C1RL: variants seen among roughly 807,000 people sequenced by gnomAD.
C1RL encodes complement C1r subcomponent-like protein.
C1RL carries 27 observed loss-of-function variants against 27.9 expected under a neutral mutation model. The ratio of observed to expected loss-of-function variants is 0.97; its 90% CI spans 0.71 to 1.33. The LOEUF is 1.33. C1RL is among the 40% of genes most tolerant of loss of function. The pLI is 0.00. For synonymous variants in C1RL, 248 were observed against 252.1 expected, an observed-to-expected ratio of 0.98 and a Z score of 0.15; for missense variants, 563 against 623.9, an observed-to-expected ratio of 0.90 and a Z score of 1.04.
Position 7,094,904 on chromosome 12 carries a change from T to C in C1RL, c.*1487A>G. The C allele has an allele frequency of 9.7e-7, 1 of 1,028,692 alleles. No individual in the cohort carries two copies. The highest frequency in any genetic ancestry group is 1.2e-6 in the Non-Finnish European group (1 of 854,884). The allele number at this position is 1,028,692 out of a possible 1,614,324, so 63.7% of individuals were successfully genotyped here. A position where few individuals can be genotyped will look rare whatever the true frequency, so the allele number is the denominator to read the frequency against. Reference sequence around the variant, plus strand: ...TTTGGGAATATTTTTAATAATCTTTTGTACTGTATGTGGGTGTAAAAAACA... The same window carrying C: ...TTTGGGAATATTTTTAATAATCTTTCGTACTGTATGTGGGTGTAAAAAACA... On this transcript the variant is annotated 3_prime_UTR_variant, in exon 6 of 6. Transcript: ENST00000266542.
At chr12:7,108,091 TG>T in intron 2 of C1RL, 159 bp downstream of exon 2, 1 of 562,000 alleles carries the variant, frequency 1.8e-6, no homozygotes, top group Non-Finnish European at 3.0e-6. Flanking sequence ...GGCTGTGTCC[TG>T]GGGTCCACCA....
intron 2 of C1RL, among the ~76,000 whole-genome samples, chr12:7,102,632 G>A (rs973268915): frequency 6.6e-6 from 1 of 152,218 alleles, no homozygotes; most frequent in Admixed American, 6.5e-5. Context: ...CAGAGACTGA[G>A]CCTCTGGGGT....
chr12:7,107,180 T>A (rs1938791204), intron 2 of C1RL, among the ~76,000 whole-genome samples: 1 of 152,004 alleles, frequency 6.6e-6, no homozygotes, highest in Non-Finnish European at 1.5e-5. Context: ...ACCTTTTTTT[T>A]TTTTTGGAGA....
intron 2 of C1RL, among the ~76,000 whole-genome samples, chr12:7,103,371 T>A (rs918844055): frequency 4.6e-5 from 7 of 152,194 alleles, no homozygotes; most frequent in Non-Finnish European, 1.5e-5. Flanking sequence ...TTGCTACTAA[T>A]TCCATGTGTG....
At chr12:7,102,357 T>G (rs1378057995) in intron 2 of C1RL, among the ~76,000 whole-genome samples, 1 of 152,202 alleles carries the variant, frequency 6.6e-6, no homozygotes, top group Non-Finnish European at 1.5e-5. Flanking sequence ...TTCCTTCTTT[T>G]AAGAAGTTCC....
At position 7,096,889 on chromosome 12, in the gene C1RL, G is replaced by A. The variant is rs745524395; in HGVS notation, c.966C>T (p.Val322=). Residue 322 remains valine, a synonymous_variant, in exon 6 of 6, where the codon GTC becomes GTT. Coordinates refer to ENST00000266542, the MANE Select transcript of C1RL (RefSeq NM_016546.4). ...TCTGACGGTAGTCGGGGTGCACAACGACACGGTGGACAGGGTGGTTCCCCA... is the reference window on the plus strand; with the variant it reads ...TCTGACGGTAGTCGGGGTGCACAACAACACGGTGGACAGGGTGGTTCCCCA... ...LKLGNHPVHR[V]VVHPDYRQNE... The A allele has an allele frequency of 1.9e-6, 3 of 1,599,074 alleles. No homozygotes were observed. Among genetic ancestry groups the A allele is most frequent in the South Asian group, 1.1e-5 (1 of 88,804 alleles).
In C1RL at chr12:7,096,749, C is replaced by T. The variant is rs759003415; in HGVS notation, c.1106G>A (p.Ser369Asn). 10 of 1,611,126 alleles carry T rather than the reference C, an allele frequency of 6.2e-6. No individual in the cohort carries two copies. The highest frequency in any genetic ancestry group is 8.5e-6 in the Non-Finnish European group (10 of 1,178,336). The part of the protein sequence containing the change: ...CLPDNETLYR[S>N]GLLGYVSGFG... ...CCCACTGACGTAGCCCAACAAGCCGCTGCGGTAGAGGGTCTCATTATCGGG... is the reference window on the plus strand; with the variant it reads ...CCCACTGACGTAGCCCAACAAGCCGTTGCGGTAGAGGGTCTCATTATCGGG... The change falls in exon 6 of 6, where the codon AGC becomes AAC. Residue 369 changes from serine (S) to asparagine (N), a missense_variant. Physicochemically the swap from Ser to Asn is conservative, Grantham distance 46 (BLOSUM62 1). Coordinates refer to ENST00000266542, the MANE Select transcript of C1RL (RefSeq NM_016546.4).
At chr12:7,099,188 G>A (rs754913162) in intron 5 of C1RL, among the ~76,000 whole-genome samples, 1 of 124,442 alleles carries the variant, frequency 8.0e-6, no homozygotes, top group South Asian at 2.5e-4. Flanking sequence ...TTGTGCCGTT[G>A]CACTTCAGTC....
rs774054216 is a variant in C1RL at position 7,095,803 on chromosome 12, C to T, written c.*588G>A. The T allele has an allele frequency of 1.3e-6, 1 of 759,580 alleles. No homozygotes were observed. 47.1% of individuals were successfully genotyped at this position (759,580 alleles called of 1,614,324 possible). ...CTCATTTGTCACACATAGATAATAACACATCCTTTGCAAATATGGTATGAG... is the reference window on the plus strand; with the variant it reads ...CTCATTTGTCACACATAGATAATAATACATCCTTTGCAAATATGGTATGAG... On this transcript the variant is annotated 3_prime_UTR_variant, in exon 6 of 6. Transcript: ENST00000266542.
rs116665876 is a variant in C1RL at position 7,100,853 on chromosome 12, G to A, written c.491-827C>T. ...TAGTGCTGTCCATATGGAATGGGAT[G>A]ATCTTTAAGATATATTATTCAGTAG... is the stretch of plus-strand genomic sequence containing the variant. On this transcript the variant is annotated intron_variant, in intron 3 of 5. Coordinates refer to ENST00000266542, the MANE Select transcript of C1RL (RefSeq NM_016546.4). Among the ~76,000 whole-genome samples the A allele has an allele frequency of 5.7e-3, 864 of 152,098 alleles. 6 individuals are homozygous for A. Among genetic ancestry groups the A allele is most frequent in the African/African-American group, 0.019 (775 of 41,500 alleles).
chr12:7,103,474 C>G (rs1258579330), intron 2 of C1RL, among the ~76,000 whole-genome samples: 1 of 152,156 alleles, frequency 6.6e-6, no homozygotes, highest in Non-Finnish European at 1.5e-5. Context: ...TGGCATCTTC[C>G]AGAGTCTGCA....
chr12:7,100,131 A>G (rs1330457918), intron 3 of C1RL, 105 bp from the exon 4 acceptor site: 1 of 1,173,940 alleles, frequency 8.5e-7, no homozygotes, highest in African/African-American at 1.6e-5. Flanking sequence ...TTTATTTTTT[A>G]TTTTTAGTTT....
rs200158946 is a variant in C1RL, at chr12:7,097,098, G to T, written c.757C>A (p.Leu253Met). 3.1e-6 allele frequency: 5 copies of T among 1,614,028 alleles called. No individual in the cohort carries two copies. The highest frequency in any genetic ancestry group is 4.2e-6 in the Non-Finnish European group (5 of 1,179,974). ...AAGGCTTGCCAGGGGAAGTTGCCCA[G>T]CTTGGCTCTGGAAGAACCGAGGGTC... ...QTTLGSSRAK[L>M]GNFPWQAFTS... Residue 253 changes from leucine to methionine, a missense_variant, in exon 6 of 6, where the codon CTG becomes ATG. Physicochemically the swap from Leu to Met is conservative, Grantham distance 15 (BLOSUM62 2). Coordinates refer to ENST00000266542, the MANE Select transcript of C1RL (RefSeq NM_016546.4).
chr12:7,108,755 C>A (rs979338166), intron 1 of C1RL: 42 of 561,494 alleles, frequency 7.5e-5, no homozygotes, highest in Non-Finnish European at 6.6e-5. Context: ...AGGAGAGTCT[C>A]GTCCAAAGGA....
At chr12:7,100,613 G>A (rs1242745947) in intron 3 of C1RL, among the ~76,000 whole-genome samples, 1 of 152,092 alleles carries the variant, frequency 6.6e-6, no homozygotes, top group Non-Finnish European at 1.5e-5. Flanking sequence ...GGCCAACAAG[G>A]TGAAACCATT....
chr12:7,108,282 G>T lies in C1RL; in HGVS notation c.269C>A (p.Pro90Gln). 1 of 1,613,954 alleles carries T rather than the reference G, an allele frequency of 6.2e-7. No individual in the cohort carries two copies. The highest frequency in any genetic ancestry group is 8.5e-7 in the Non-Finnish European group (1 of 1,179,910). ...RLVFQDFDLE[P>Q]SQDCAGDSVT... ...AGAGTCCCCTGCACAGTCCTGGGACGGCTCCAGGTCGAAGTCCTGGAAGAC... is the reference window on the plus strand; with the variant it reads ...AGAGTCCCCTGCACAGTCCTGGGACTGCTCCAGGTCGAAGTCCTGGAAGAC... Residue 90 changes from proline to glutamine, a missense_variant, in exon 2 of 6, where the codon CCG (proline) becomes CAG (glutamine). Transcript: ENST00000266542.
chr12:7,106,969 CCTTAT>C (rs1355705314), intron 2 of C1RL, among the ~76,000 whole-genome samples: 1 of 151,956 alleles, frequency 6.6e-6, no homozygotes, highest in Non-Finnish European at 1.5e-5. Context: ...TAAAGCTAGT[CCTTAT>C]CTTCTATACT....
chr12:7,099,813 G>A (rs1471044478), intron 4 of C1RL, 53 bp from the exon 5 acceptor site: 2 of 1,612,120 alleles, frequency 1.2e-6, no homozygotes, highest in Non-Finnish European at 1.7e-6. Flanking sequence ...TGAAGCTGTT[G>A]GTTAACGAAG....
In C1RL at chr12:7,101,974, G is replaced by A. The variant is rs982314214; in HGVS notation, c.414C>T (p.Thr138=). ...FVSSGRSLRL[T]FRTQPSSENK... ...TCTCCGAGGAAGGCTGTGTGCGGAA[G>A]GTCAGCCGCAAACTCCTCCCTGAGG... Residue 138 remains threonine, a synonymous_variant, in exon 3 of 6, where the codon ACC becomes ACT. Transcript: ENST00000266542. The A allele has an allele frequency of 3.7e-6, 6 of 1,614,126 alleles. No individual in the cohort carries two copies. In the African/African-American group the frequency reaches 8.0e-5, roughly 22 times the overall value.
Sources: gnomAD v4.1 joint callset for allele counts (sites outside exome capture counted in the v4.1 genomes callset) on GRCh38, gnomAD v4.1.1 for gene constraint, MANE v1.5 for transcripts, NCBI Gene and HGNC (gene_info 2026-07-23, HGNC 2026-07-21) for gene names.